Variants in ARHGAP44 observed in about 807,000 individuals in gnomAD.
ARHGAP44 encodes rho GTPase-activating protein 44.
A neutral mutation model predicts 106.8 loss-of-function variants in ARHGAP44; 43 were observed. The observed-to-expected ratio is 0.40, with a 90% CI of 0.32 to 0.52. The LOEUF is 0.52. ARHGAP44 is among the 20% of genes least tolerant of loss of function. ARHGAP44 has a pLI of 0.48. For synonymous variants in ARHGAP44, 439 were observed against 410.3 expected, an observed-to-expected ratio of 1.07 and a Z score of -0.85; for missense variants, 866 against 1,050.5, an observed-to-expected ratio of 0.82 and a Z score of 2.43.
intron 1 of ARHGAP44, among the ~76,000 whole-genome samples, chr17:12,856,485 A>G (rs2035915650): frequency 6.6e-6 from 1 of 152,198 alleles, no homozygotes; most frequent in Non-Finnish European, 1.5e-5. Flanking sequence ...ATGTAGGAAA[A>G]TATCGGAAGT....
chr17:12,964,488 T>C (rs1223574602), intron 16 of ARHGAP44, among the ~76,000 whole-genome samples: 3 of 152,114 alleles, frequency 2.0e-5, no homozygotes, highest in African/African-American at 7.2e-5. Context: ...GAGGCAAGAA[T>C]AGAAGCGACA....
At chr17:12,804,618 A>G (rs1189207977) in intron 1 of ARHGAP44, among the ~76,000 whole-genome samples, 1 of 152,214 alleles carries the variant, frequency 6.6e-6, no homozygotes, top group Non-Finnish European at 1.5e-5. Flanking sequence ...AGTTTGTAGG[A>G]TGTGTCATGG....
At chr17:12,823,390 A>G (rs914560195) in intron 1 of ARHGAP44, among the ~76,000 whole-genome samples, 4 of 151,900 alleles carry the variant, frequency 2.6e-5, no homozygotes, top group Admixed American at 2.6e-4. Flanking sequence ...CTTTCCTCAA[A>G]CTTCTCCAGT....
intron 7 of ARHGAP44, among the ~76,000 whole-genome samples, chr17:12,933,613 A>G (rs1178495576): frequency 1.3e-5 from 2 of 152,204 alleles, no homozygotes; most frequent in Non-Finnish European, 2.9e-5. Context: ...CCAAGGAAGT[A>G]TAAGTAGTTG....
intron 19 of ARHGAP44, among the ~76,000 whole-genome samples, chr17:12,981,290 G>C (rs535040963): frequency 6.6e-6 from 1 of 152,292 alleles, no homozygotes; most frequent in Admixed American, 6.5e-5. Context: ...ACATCGTGAA[G>C]GTTGAATAGG....
chr17:12,888,379 G>A (rs1184926765), intron 1 of ARHGAP44, among the ~76,000 whole-genome samples: 1 of 151,962 alleles, frequency 6.6e-6, no homozygotes, highest in Non-Finnish European at 1.5e-5. Flanking sequence ...TAGTTTCCAC[G>A]TATTTGAAAA....
In ARHGAP44 at chr17:12,868,555, G is replaced by A. The variant is rs534219540; in HGVS notation, c.54-26385G>A. On this transcript the variant is annotated intron_variant, in intron 1 of 20. Transcript: ENST00000379672. The stretch of plus-strand genomic sequence containing the variant: ...GTGCAATAAACTGAGAGGCTAAAAA[G>A]CCAAAAAGTCATTTAAAAAGTCATA... 1.8e-3 allele frequency among the ~76,000 whole-genome samples: 217 copies of A among 120,792 alleles called. 2 individuals carry two copies. Among genetic ancestry groups the A allele is most frequent in the African/African-American group, 6.6e-3 (202 of 30,538 alleles). The allele number at this position is 120,792 out of a possible 152,430, so 79.2% of individuals were successfully genotyped here. A position where few individuals can be genotyped will look rare whatever the true frequency, so the allele number is the denominator to read the frequency against.
At chr17:12,956,893 G>A (rs867039259) in intron 15 of ARHGAP44, 147 bp downstream of exon 15, 3 of 636,266 alleles carry the variant, frequency 4.7e-6, no homozygotes, top group Non-Finnish European at 8.4e-6. Context: ...ACACACGCAT[G>A]CAGACATGCA....
chr17:12,982,017 A>G (rs1328049686), intron 19 of ARHGAP44, among the ~76,000 whole-genome samples: 2 of 152,078 alleles, frequency 1.3e-5, no homozygotes, highest in Admixed American at 6.5e-5. Flanking sequence ...TCTCCAAAAA[A>G]AAAGAGTCCT....
chr17:12,962,977 C>A (rs11868795), intron 16 of ARHGAP44, among the ~76,000 whole-genome samples: 15,340 of 133,012 alleles, frequency 0.12, 903 homozygotes, highest in Middle Eastern at 0.24. Context: ...CCCAGGGAGG[C>A]GGAGGTTGCA....
chr17:12,850,084 A>G (rs1033391517), intron 1 of ARHGAP44, among the ~76,000 whole-genome samples: 1 of 152,220 alleles, frequency 6.6e-6, no homozygotes. Flanking sequence ...TCACTGACAT[A>G]TAAAGACTTG....
intron 1 of ARHGAP44, among the ~76,000 whole-genome samples, chr17:12,891,088 C>A (rs1218264003): frequency 2.0e-5 from 3 of 152,110 alleles, no homozygotes; most frequent in Non-Finnish European, 2.9e-5. Context: ...ATCTAAGTAA[C>A]CTCTAAGAAG....
intron 16 of ARHGAP44, among the ~76,000 whole-genome samples, chr17:12,964,786 C>CA (rs996352478): frequency 7.3e-5 from 11 of 150,612 alleles, no homozygotes; most frequent in East Asian, 4.0e-4. Context: ...GACTCTGTCT[C>CA]AAAAAAAACA....
intron 1 of ARHGAP44, among the ~76,000 whole-genome samples, chr17:12,872,565 T>G (rs1483120879): frequency 1.3e-5 from 2 of 152,362 alleles, no homozygotes; most frequent in East Asian, 3.9e-4. Context: ...ATTCAGTACT[T>G]TGGAATTGCT....
chr17:12,954,929 A>G (rs1373055594), intron 13 of ARHGAP44, among the ~76,000 whole-genome samples: 1 of 152,194 alleles, frequency 6.6e-6, no homozygotes, highest in Admixed American at 6.5e-5. Flanking sequence ...GTGTGTTCAT[A>G]TAGTTTTGCA....
chr17:12,946,012 G>A (rs1333380194), intron 10 of ARHGAP44, among the ~76,000 whole-genome samples: 1 of 152,096 alleles, frequency 6.6e-6, no homozygotes, highest in African/African-American at 2.4e-5. Flanking sequence ...GTCCACCTCG[G>A]CCTCCCAAAG....
intron 1 of ARHGAP44, among the ~76,000 whole-genome samples, chr17:12,841,140 C>A (rs1051066370): frequency 6.6e-6 from 1 of 152,116 alleles, no homozygotes; most frequent in Admixed American, 6.5e-5. Flanking sequence ...TTGAGGAAGG[C>A]GCCTTTTCCA....
intron 1 of ARHGAP44, among the ~76,000 whole-genome samples, chr17:12,869,195 A>C (rs1408133861): frequency 6.6e-6 from 1 of 152,122 alleles, no homozygotes; most frequent in Non-Finnish European, 1.5e-5. Context: ...TTAGAGATTT[A>C]AAAATAATGT....
Position 12,978,036 on chromosome 17 carries a change from C to CAAAAAAAAAAAAAAAAA in ARHGAP44, c.1764-2018_1764-2002dup, listed in dbSNP as rs1157325814. Among the ~76,000 whole-genome samples the CAAAAAAAAAAAAAAAAA allele has an allele frequency of 1.5e-3, 136 of 89,256 alleles. 10 individuals are homozygous for CAAAAAAAAAAAAAAAAA. Among genetic ancestry groups the CAAAAAAAAAAAAAAAAA allele is most frequent in the African/African-American group, 6.1e-3 (129 of 20,988 alleles). The allele number at this position is 89,256 out of a possible 152,430, so 58.6% of individuals were successfully genotyped here. A position where few individuals can be genotyped will look rare whatever the true frequency, so the allele number is the denominator to read the frequency against. ...TGGGCAACAGAGCAAGACTCCATCT[C>CAAAAAAAAAAAAAAAAA]AAAAAAAAAAAAAAAAAAAAGTGTG... On this transcript the variant is annotated intron_variant, in intron 18 of 20. Coordinates refer to ENST00000379672, the MANE Select transcript of ARHGAP44 (RefSeq NM_014859.6).
Sources: gnomAD v4.1 joint callset for allele counts (sites outside exome capture counted in the v4.1 genomes callset) on GRCh38, gnomAD v4.1.1 for gene constraint, MANE v1.5 for transcripts, NCBI Gene and HGNC (gene_info 2026-07-23, HGNC 2026-07-21) for gene names.